The following FUT9 variants were observed in gnomAD, a reference collection of about 807,000 sequenced individuals.
FUT9 encodes the protein fucosyltransferase 9.
FUT9 carries 15 observed loss-of-function variants against 29.7 expected under a neutral mutation model. The ratio of observed to expected loss-of-function variants is 0.51; its 90% CI spans 0.34 to 0.78. The LOEUF (loss-of-function observed/expected upper bound fraction) is 0.78, where lower values mean the gene tolerates loss of function less well. FUT9 is among the 30% of genes least tolerant of loss of function. FUT9 has a pLI of 0.01. For synonymous variants in FUT9, 169 were observed against 153.7 expected (o/e 1.10, Z -0.74); for missense variants, 319 against 425.4 (o/e 0.75, Z 2.20).
intron 1 of FUT9, among the ~76,000 whole-genome samples, chr6:96,105,517 C>T (rs1771662230): frequency 6.6e-6 from 1 of 152,130 alleles, no homozygotes; most frequent in African/African-American, 2.4e-5. Context: ...ACTAGTATGT[C>T]TTCTTTGTTG....
intron 2 of FUT9, among the ~76,000 whole-genome samples, chr6:96,180,460 G>C (rs1228491158): frequency 2.0e-5 from 3 of 151,858 alleles, no homozygotes; most frequent in Admixed American, 1.3e-4. Context: ...ACCAGTGGAT[G>C]GTCTTCCTGT....
intron 2 of FUT9, among the ~76,000 whole-genome samples, chr6:96,159,760 C>G (rs1417144362): frequency 6.6e-6 from 1 of 152,064 alleles, no homozygotes; most frequent in South Asian, 2.1e-4. Context: ...GAATCAAGCA[C>G]TATAATTTTA....
chr6:96,176,355 A>G (rs1007708336), intron 2 of FUT9, among the ~76,000 whole-genome samples: 5 of 151,418 alleles, frequency 3.3e-5, no homozygotes, highest in Admixed American at 2.6e-4. Context: ...ATACAATGAT[A>G]TATAATATAT....
intron 1 of FUT9, among the ~76,000 whole-genome samples, chr6:96,083,582 GT>G (rs1276316777): frequency 6.6e-6 from 1 of 151,884 alleles, no homozygotes. Flanking sequence ...AGTGTTAAGA[GT>G]TCCACTTAAA....
chr6:96,123,051 A>T (rs1440756236), intron 2 of FUT9, among the ~76,000 whole-genome samples: 1 of 111,400 alleles, frequency 9.0e-6, no homozygotes, highest in African/African-American at 3.4e-5. Flanking sequence ...CAGCCGCGAG[A>T]CTCAGTCTCA....
chr6:96,161,304 C>T (rs1467537807), intron 2 of FUT9, among the ~76,000 whole-genome samples: 1 of 152,102 alleles, frequency 6.6e-6, no homozygotes, highest in Non-Finnish European at 1.5e-5. Flanking sequence ...TGGCCCCTTC[C>T]ACCATGAGCC....
chr6:96,048,334 T>A (rs1770602298), intron 1 of FUT9, among the ~76,000 whole-genome samples: 1 of 152,160 alleles, frequency 6.6e-6, no homozygotes, highest in Non-Finnish European at 1.5e-5. Flanking sequence ...TCATTCTGCC[T>A]GTCAGAGTGG....
At chr6:96,156,676 G>A (rs1772791473) in intron 2 of FUT9, among the ~76,000 whole-genome samples, 1 of 152,128 alleles carries the variant, frequency 6.6e-6, no homozygotes, top group Admixed American at 6.5e-5. Context: ...ATCTGGTGTA[G>A]GCACTTGTGG....
intron 1 of FUT9, among the ~76,000 whole-genome samples, chr6:96,053,856 G>A (rs1297363507): frequency 6.6e-6 from 1 of 152,096 alleles, no homozygotes; most frequent in East Asian, 1.9e-4. Flanking sequence ...AAACTAGTCA[G>A]ATAAATTGTA....
chr6:96,092,043 A>G (rs1042555126), intron 1 of FUT9, among the ~76,000 whole-genome samples: 3 of 152,134 alleles, frequency 2.0e-5, no homozygotes, highest in African/African-American at 7.2e-5. Flanking sequence ...AATTACAACC[A>G]ATAGTGCAAT....
rs951686370 is a variant in FUT9, at chr6:96,170,052, C to T, written c.-8-33096C>T. On this transcript the variant is annotated intron_variant, in intron 2 of 2. Coordinates refer to ENST00000302103, the MANE Select transcript of FUT9 (RefSeq NM_006581.4). ...TAACTGAATTAGATACTGAAAAATG[C>T]TTGCATTCTGATATGTTTTGAAAAG... is the stretch of plus-strand genomic sequence containing the variant. 2.6e-5 allele frequency among the ~76,000 whole-genome samples: 4 copies of T among 152,172 alleles called. No homozygotes were observed. In the East Asian group the frequency reaches 5.8e-4, roughly 22 times the overall value.
rs1773895992 is a variant in FUT9 at position 96,209,553 on chromosome 6, T to C, written c.*5318T>C. On this transcript the variant is annotated 3_prime_UTR_variant, in exon 3 of 3. Coordinates refer to ENST00000302103, the MANE Select transcript of FUT9 (RefSeq NM_006581.4). ...AACTCTTATTACAAAAATCTAAAGA[T>C]ATTTATTGATGCAAAAAATTTAGGG... 1 of 166,930 alleles carries C rather than the reference T, an allele frequency of 6.0e-6. No individual in the cohort carries two copies. The highest frequency in any genetic ancestry group is 1.5e-5 in the Non-Finnish European group (1 of 68,036). The allele number at this position is 166,930 out of a possible 1,614,324, so 10.3% of individuals were successfully genotyped here.
At chr6:96,026,336 A>AAATAAGAAGG (rs1449781608) in intron 1 of FUT9, among the ~76,000 whole-genome samples, 3 of 151,826 alleles carry the variant, frequency 2.0e-5, no homozygotes, top group African/African-American at 7.2e-5. Flanking sequence ...CTAAGATAGA[A>AAATAAGAAGG]AATAAGAAGG....
chr6:96,066,001 T>C (rs543986168), intron 1 of FUT9, among the ~76,000 whole-genome samples: 11 of 152,288 alleles, frequency 7.2e-5, no homozygotes, highest in African/African-American at 2.6e-4. Flanking sequence ...TACAAACATT[T>C]TATTTTTCTT....
chr6:96,169,170 A>T (rs1773067908), intron 2 of FUT9, among the ~76,000 whole-genome samples: 1 of 152,230 alleles, frequency 6.6e-6, no homozygotes, highest in South Asian at 2.1e-4. Flanking sequence ...AGTAGTGAGT[A>T]ACTAATCTGC....
intron 1 of FUT9, among the ~76,000 whole-genome samples, chr6:96,080,584 C>T (rs190700164): frequency 1.3e-4 from 20 of 151,986 alleles, no homozygotes; most frequent in African/African-American, 4.8e-4. Context: ...TTAAATGTTC[C>T]AATGATGATT....
intron 2 of FUT9, among the ~76,000 whole-genome samples, chr6:96,120,468 A>G (rs1194696219): frequency 6.7e-6 from 1 of 149,980 alleles, no homozygotes; most frequent in African/African-American, 2.5e-5. Flanking sequence ...TAATTTTAGT[A>G]GAGACGGGGT....
rs914285916 is a variant in FUT9, at chr6:96,213,621, C to G, written c.*9386C>G. On this transcript the variant is annotated 3_prime_UTR_variant, in exon 3 of 3. Coordinates refer to ENST00000302103, the MANE Select transcript of FUT9 (RefSeq NM_006581.4). ...GCTAATAGTTGTTTATTGCTATTAA[C>G]TTTCTGTGTATGTATTATTGCGATG... 6.0e-6 allele frequency: 1 copy of G among 166,652 alleles called. No individual in the cohort carries two copies. The highest frequency in any genetic ancestry group is 2.4e-5 in the African/African-American group (1 of 41,384). 10.3% of individuals were successfully genotyped at this position (166,652 alleles called of 1,614,324 possible).
intron 2 of FUT9, among the ~76,000 whole-genome samples, chr6:96,123,526 G>C (rs1772072659): frequency 6.6e-6 from 1 of 152,158 alleles, no homozygotes; most frequent in Non-Finnish European, 1.5e-5. Context: ...TCAACTTCCA[G>C]AAGTGTGTTC....
Sources: allele counts gnomAD v4.1 joint callset (sites outside exome capture counted in the v4.1 genomes callset), GRCh38; gene constraint gnomAD v4.1.1; transcripts MANE v1.5; gene names NCBI Gene and HGNC (gene_info 2026-07-23, HGNC 2026-07-21).